Variants in CHRM3 observed in about 807,000 individuals in gnomAD.
The protein encoded by CHRM3 is cholinergic receptor muscarinic 3.
In CHRM3, 11 loss-of-function variants were observed where a neutral mutation model predicts 41.8. The ratio of observed to expected loss-of-function variants is 0.26; its 90% CI spans 0.17 to 0.44. The LOEUF is 0.44. Among genes scored for constraint, CHRM3 ranks in the 20% least tolerant of loss-of-function variants. The pLI is 1.00. For missense variants in CHRM3, 571 were observed against 745.4 expected, an observed-to-expected ratio of 0.77 and a Z score of 2.72; for synonymous variants, 297 against 301.4, an observed-to-expected ratio of 0.99 and a Z score of 0.15.
At chr1:239,900,999 G>C (rs1227213853) in intron 6 of CHRM3, among the ~76,000 whole-genome samples, 1 of 152,100 alleles carries the variant, frequency 6.6e-6, no homozygotes, top group Non-Finnish European at 1.5e-5. Flanking sequence ...CTGAAATCAA[G>C]GTGTTCGCCC....
At chr1:239,760,526 T>C (rs1666670283) in intron 5 of CHRM3, among the ~76,000 whole-genome samples, 1 of 152,178 alleles carries the variant, frequency 6.6e-6, no homozygotes, top group South Asian at 2.1e-4. Context: ...CTGAACACAC[T>C]GGGCCTTTTC....
intron 1 of CHRM3, among the ~76,000 whole-genome samples, chr1:239,437,901 A>G (rs968680477): frequency 1.3e-5 from 2 of 152,218 alleles, no homozygotes; most frequent in African/African-American, 4.8e-5. Context: ...ACACTTTTGC[A>G]TGATTGTTGC....
At chr1:239,685,578 C>G (rs908761940) in intron 5 of CHRM3, among the ~76,000 whole-genome samples, 10 of 152,112 alleles carry the variant, frequency 6.6e-5, no homozygotes, top group Non-Finnish European at 1.3e-4. Context: ...ATCCCAGTCC[C>G]TTGGGAGGCT....
chr1:239,416,297 G>A (rs549851529), intron 1 of CHRM3, among the ~76,000 whole-genome samples: 2 of 151,318 alleles, frequency 1.3e-5, no homozygotes, highest in South Asian at 2.1e-4. Flanking sequence ...AACTAACCAC[G>A]GGCATATGCA....
chr1:239,790,138 C>T (rs1669224889), intron 5 of CHRM3, among the ~76,000 whole-genome samples: 2 of 152,138 alleles, frequency 1.3e-5, no homozygotes, highest in African/African-American at 4.8e-5. Flanking sequence ...TTTACGGGCT[C>T]ATAGGCAGAA....
rs377732277 is a variant in CHRM3 at position 239,662,893 on chromosome 1, C to CTCCTCTTCTTCT, written c.-249-15291_-249-15290insCTCTTCTTCTTC. 6.7e-4 allele frequency among the ~76,000 whole-genome samples: 31 copies of CTCCTCTTCTTCT among 46,396 alleles called. 1 individual carries two copies. The highest frequency in any genetic ancestry group is 2.7e-3 in the South Asian group (4 of 1,474). 30.4% of individuals were successfully genotyped at this position (46,396 alleles called of 152,430 possible). A position where few individuals can be genotyped will look rare whatever the true frequency, so the allele number is the denominator to read the frequency against. The stretch of plus-strand genomic sequence containing the variant: ...TCTCCTCTTTCTCCTCTTCCTCCTC[C>CTCCTCTTCTTCT]TCTTCTTCTTCTTCTTCTTCTTCTT... On this transcript the variant is annotated intron_variant, in intron 4 of 6. Coordinates refer to ENST00000676153, the MANE Select transcript of CHRM3 (RefSeq NM_001375978.1).
intron 3 of CHRM3, among the ~76,000 whole-genome samples, chr1:239,618,921 T>G (rs1668044741): frequency 6.6e-6 from 1 of 151,086 alleles, no homozygotes; most frequent in South Asian, 2.1e-4. Flanking sequence ...ATTTATTTAT[T>G]TATTTATTTT....
At chr1:239,514,327 T>G (rs1669117005) in intron 2 of CHRM3, among the ~76,000 whole-genome samples, 1 of 151,994 alleles carries the variant, frequency 6.6e-6, no homozygotes, top group Non-Finnish European at 1.5e-5. Flanking sequence ...GAAGTTACCC[T>G]TGTGTAGATC....
At chr1:239,757,586 C>T (rs1267574917) in intron 5 of CHRM3, among the ~76,000 whole-genome samples, 1 of 150,640 alleles carries the variant, frequency 6.6e-6, no homozygotes, top group Non-Finnish European at 1.5e-5. Flanking sequence ...GCCGAGATCG[C>T]GCCACTGCAC....
rs545094356 is a variant in CHRM3 at position 239,686,506 on chromosome 1, G to A, written c.-147+8218G>A. ...TCCCTCCTTCTGCTCACCCTTCCCT[G>A]GGCAGAGTTAAAAGTTCTCCATGTC... On this transcript the variant is annotated intron_variant, in intron 5 of 6. Transcript: ENST00000676153. 1.8e-4 allele frequency among the ~76,000 whole-genome samples: 28 copies of A among 152,128 alleles called. No homozygotes were observed. In the South Asian group the frequency reaches 5.6e-3, roughly 30 times the overall value.
chr1:239,508,079 T>A (rs1668689690), intron 2 of CHRM3, among the ~76,000 whole-genome samples: 1 of 152,220 alleles, frequency 6.6e-6, no homozygotes. Flanking sequence ...CCAGACAAGC[T>A]TCTCCTTTAA....
intron 3 of CHRM3, among the ~76,000 whole-genome samples, chr1:239,631,097 GAGC>G (rs1669773679): frequency 6.6e-6 from 1 of 152,172 alleles, no homozygotes; most frequent in Admixed American, 6.5e-5. Context: ...CAATGCTTGT[GAGC>G]ATAAATGTGC....
intron 3 of CHRM3, among the ~76,000 whole-genome samples, chr1:239,583,958 G>A (rs904995541): frequency 2.6e-5 from 4 of 152,046 alleles, no homozygotes; most frequent in Non-Finnish European, 4.4e-5. Flanking sequence ...TAGATTAGGC[G>A]TTGAGGAATA....
At chr1:239,534,279 T>C (rs1200055540) in intron 2 of CHRM3, among the ~76,000 whole-genome samples, 2 of 152,176 alleles carry the variant, frequency 1.3e-5, no homozygotes, top group South Asian at 4.1e-4. Flanking sequence ...TGAGCTGAGA[T>C]CATGCCACTG....
intron 5 of CHRM3, among the ~76,000 whole-genome samples, chr1:239,771,741 TAC>T (rs1415932369): frequency 1.3e-5 from 2 of 152,188 alleles, no homozygotes; most frequent in Non-Finnish European, 2.9e-5. Flanking sequence ...CCAGAGATAA[TAC>T]ACACACAAAT....
rs186566608 is a variant in CHRM3, at chr1:239,811,476, A to G, written c.-146-15776A>G. On this transcript the variant is annotated intron_variant, in intron 5 of 6. Transcript: ENST00000676153. ...CAGCCCAGCCCTTCCCTCACCACAG[A>G]TTCTCCCCTGATCTGCTGTCAGCCT... Among the ~76,000 whole-genome samples the G allele has an allele frequency of 2.7e-3, 412 of 152,192 alleles. 2 individuals are homozygous for G. The highest frequency in any genetic ancestry group is 5.4e-3 in the Admixed American group (83 of 15,282).
At chr1:239,465,492 C>T (rs954288070) in intron 1 of CHRM3, among the ~76,000 whole-genome samples, 4 of 152,124 alleles carry the variant, frequency 2.6e-5, no homozygotes, top group African/African-American at 9.7e-5. Context: ...GACACAGCCA[C>T]GCAGTCAGTT....
chr1:239,813,566 T>A (rs1042377430), intron 5 of CHRM3, among the ~76,000 whole-genome samples: 4 of 151,940 alleles, frequency 2.6e-5, no homozygotes, highest in African/African-American at 9.7e-5. Context: ...CCTAGTCTTC[T>A]CCAAAATAGA....
chr1:239,903,786 A>T (rs904544210), intron 6 of CHRM3, among the ~76,000 whole-genome samples: 1 of 152,200 alleles, frequency 6.6e-6, no homozygotes. Context: ...TAAGAGAATC[A>T]CTGTCTCATT....
Sources: gnomAD v4.1 joint callset for allele counts (sites outside exome capture counted in the v4.1 genomes callset) on GRCh38, gnomAD v4.1.1 for gene constraint, MANE v1.5 for transcripts, NCBI Gene and HGNC (gene_info 2026-07-23, HGNC 2026-07-21) for gene names.